LTBP1: variants seen among roughly 807,000 people sequenced by gnomAD.
The protein encoded by LTBP1 is latent-transforming growth factor beta-binding protein 1.
In LTBP1, 129 loss-of-function variants were observed where a neutral mutation model predicts 207.6. That is an observed-to-expected ratio of 0.62 (90% CI 0.54 to 0.72). The LOEUF (loss-of-function observed/expected upper bound fraction) is 0.72. LTBP1 is among the 30% of genes least tolerant of loss of function. The pLI is 0.00. For synonymous variants in LTBP1, 963 were observed against 833.7 expected (o/e 1.16, Z -2.67); for missense variants, 2,281 against 2,217.2 (o/e 1.03, Z -0.58).
At chr2:33,124,170 A>G (rs2081310438) in intron 4 of LTBP1, among the ~76,000 whole-genome samples, 2 of 152,208 alleles carry the variant, frequency 1.3e-5, no homozygotes, top group Admixed American at 1.3e-4. Flanking sequence ...GCACTTTAGG[A>G]GGCCAAGGCG....
chr2:32,959,745 C>T (rs544131691), intron 2 of LTBP1, among the ~76,000 whole-genome samples: 444 of 150,322 alleles, frequency 3.0e-3, no homozygotes, highest in Middle Eastern at 0.014. Flanking sequence ...CTCAGCCACC[C>T]GAGTAGCTGG....
chr2:33,331,459 T>C (rs991623702), intron 24 of LTBP1, among the ~76,000 whole-genome samples: 1 of 152,138 alleles, frequency 6.6e-6, no homozygotes, highest in African/African-American at 2.4e-5. Flanking sequence ...GTCATTTTTT[T>C]CCTTTGACCA....
chr2:33,278,683 G>A (rs374826019), intron 18 of LTBP1, among the ~76,000 whole-genome samples: 17 of 152,118 alleles, frequency 1.1e-4, no homozygotes, highest in East Asian at 7.7e-4. Context: ...AGCCTGTCTC[G>A]ATGGCATTCT....
Position 33,010,444 on chromosome 2 carries a change from T to G in LTBP1, c.566-10465T>G, listed in dbSNP as rs139575214. ...ACAGTTAGATAGAAGAAAGAAATTC[T>G]GAGTTTGATAGCAGAGTAGGTGGCT... On this transcript the variant is annotated intron_variant, in intron 2 of 33. Coordinates refer to ENST00000404816, the MANE Select transcript of LTBP1 (RefSeq NM_206943.4). Among the ~76,000 whole-genome samples, 12 of 152,304 alleles carry G rather than the reference T, an allele frequency of 7.9e-5. No individual in the cohort carries two copies. The East Asian group carries it at 1.9e-3, about 24-fold the overall frequency.
At position 33,398,673 on chromosome 2, in the gene LTBP1, A is replaced by T; in HGVS notation, c.*128A>T. ...AATACAGAAACAGCATGGAATTGCA[A>T]GTCCTCTGAAGACAATGAGAGGATT... On this transcript the variant is annotated 3_prime_UTR_variant, in exon 34 of 34. Transcript: ENST00000404816. 1 of 818,852 alleles carries T rather than the reference A, an allele frequency of 1.2e-6. No homozygotes were observed. Among genetic ancestry groups the T allele is most frequent in the Non-Finnish European group, 1.8e-6 (1 of 544,336 alleles). 50.7% of individuals were successfully genotyped at this position (818,852 alleles called of 1,614,324 possible). A position where few individuals can be genotyped will look rare whatever the true frequency, so the allele number is the denominator to read the frequency against.
chr2:33,256,707 A>G (rs969348313), intron 11 of LTBP1, among the ~76,000 whole-genome samples: 3 of 137,336 alleles, frequency 2.2e-5, no homozygotes, highest in Non-Finnish European at 3.1e-5. Context: ...GCTGATATAT[A>G]TGGGATGGAG....
intron 15 of LTBP1, among the ~76,000 whole-genome samples, chr2:33,273,291 C>G (rs1295213683): frequency 6.6e-6 from 1 of 152,112 alleles, no homozygotes; most frequent in Non-Finnish European, 1.5e-5. Flanking sequence ...GATTCAGACT[C>G]TATCATCTAA....
intron 2 of LTBP1, among the ~76,000 whole-genome samples, chr2:32,960,647 C>T (rs1678954385): frequency 6.6e-6 from 1 of 152,012 alleles, no homozygotes; most frequent in Non-Finnish European, 1.5e-5. Context: ...CTTGAAAAAA[C>T]TAAAACAGGG....
intron 3 of LTBP1, among the ~76,000 whole-genome samples, chr2:33,029,051 T>C (rs2075565384): frequency 6.6e-6 from 1 of 152,246 alleles, no homozygotes; most frequent in South Asian, 2.1e-4. Context: ...AGACAAACTT[T>C]AATTATTTTT....
intron 12 of LTBP1, among the ~76,000 whole-genome samples, chr2:33,258,689 G>C (rs766929247): frequency 1.4e-4 from 21 of 152,184 alleles, no homozygotes; most frequent in Non-Finnish European, 2.9e-4. Flanking sequence ...GACCTTCTTC[G>C]TGGTAGGTTA....
chr2:33,310,821 A>T (rs1445991930), intron 23 of LTBP1, among the ~76,000 whole-genome samples: 1 of 152,140 alleles, frequency 6.6e-6, no homozygotes, highest in African/African-American at 2.4e-5. Context: ...TCCTCTATTT[A>T]CTAGTGTTAG....
intron 3 of LTBP1, among the ~76,000 whole-genome samples, chr2:33,096,842 T>A (rs1274698061): frequency 2.0e-5 from 3 of 152,078 alleles, no homozygotes; most frequent in African/African-American, 7.2e-5. Flanking sequence ...GGCCAGGAGT[T>A]CAAGGCCAGC....
At chr2:33,178,910 T>C (rs1352121369) in intron 5 of LTBP1, among the ~76,000 whole-genome samples, 1 of 152,188 alleles carries the variant, frequency 6.6e-6, no homozygotes, top group African/African-American at 2.4e-5. Flanking sequence ...TTTCCTTTTT[T>C]CTTTTTCTTC....
chr2:33,268,747 C>T (rs2093246618), intron 15 of LTBP1, among the ~76,000 whole-genome samples: 1 of 152,208 alleles, frequency 6.6e-6, no homozygotes, highest in Non-Finnish European at 1.5e-5. Context: ...AATCTATGCT[C>T]ACTGTGGGGC....
At chr2:32,948,726 G>T (rs1467747777) in intron 1 of LTBP1, 149 bp from the exon 2 acceptor site, 2 of 716,496 alleles carry the variant, frequency 2.8e-6, no homozygotes, top group East Asian at 2.6e-5. Context: ...GCAGCTTTGG[G>T]TTGGGCATCC....
chr2:33,022,067 T>C (rs2149232380), intron 3 of LTBP1, among the ~76,000 whole-genome samples: 1 of 152,296 alleles, frequency 6.6e-6, no homozygotes, highest in South Asian at 2.1e-4. Flanking sequence ...GTAAGTCACT[T>C]GCTTGGAATT....
chr2:33,061,182 A>G (rs944718732), intron 3 of LTBP1, among the ~76,000 whole-genome samples: 33 of 152,272 alleles, frequency 2.2e-4, no homozygotes, highest in Non-Finnish European at 8.8e-5. Context: ...ATATTACAAG[A>G]TGGATGGATG....
intron 3 of LTBP1, among the ~76,000 whole-genome samples, chr2:33,031,847 C>G (rs1230318728): frequency 6.6e-6 from 1 of 151,846 alleles, no homozygotes; most frequent in African/African-American, 2.4e-5. Flanking sequence ...GAAGATGGCT[C>G]TGATAGTCAC....
intron 3 of LTBP1, among the ~76,000 whole-genome samples, chr2:33,033,466 A>G (rs755167248): frequency 3.3e-5 from 5 of 152,174 alleles, no homozygotes; most frequent in African/African-American, 7.2e-5. Context: ...TACAAGTACA[A>G]ACCACTTCTA....
Sources: gnomAD v4.1 joint callset for allele counts (sites outside exome capture counted in the v4.1 genomes callset) on GRCh38, gnomAD v4.1.1 for gene constraint, MANE v1.5 for transcripts, NCBI Gene and HGNC (gene_info 2026-07-23, HGNC 2026-07-21) for gene names.